The following NUFIP2 variants were observed in gnomAD, a reference collection of about 807,000 sequenced individuals.
NUFIP2 encodes nuclear FMR1 interacting protein 2.
NUFIP2 carries 6 observed loss-of-function variants against 56.9 expected under a neutral mutation model. That is an observed-to-expected ratio of 0.11 (90% CI 0.06 to 0.21). NUFIP2 has a LOEUF of 0.21. NUFIP2 is among the 10% of genes least tolerant of loss of function. The pLI is 1.00. For missense variants in NUFIP2, 828 were observed against 826.8 expected, an observed-to-expected ratio of 1.00 and a Z score of -0.02; for synonymous variants, 321 against 298.2, an observed-to-expected ratio of 1.08 and a Z score of -0.79.
intron 1 of NUFIP2, among the ~76,000 whole-genome samples, chr17:29,291,035 C>CAA (rs60000691): frequency 0.026 from 1,872 of 72,382 alleles, 29 homozygotes; most frequent in African/African-American, 0.069. Flanking sequence ...GTTTTAATAA[C>CAA]AAAAAAAAAA....
intron 2 of NUFIP2, among the ~76,000 whole-genome samples, chr17:29,270,926 C>T (rs2069068331): frequency 6.6e-6 from 1 of 152,180 alleles, no homozygotes; most frequent in African/African-American, 2.4e-5. Context: ...TATCCCTGCA[C>T]TTTCCCCTTT....
At chr17:29,293,757 T>TACCCC in intron 1 of NUFIP2, 26 bp downstream of exon 1, 1 of 1,040,992 alleles carries the variant, frequency 9.6e-7, no homozygotes, top group Non-Finnish European at 1.4e-6. Flanking sequence ...CCAACCCCCT[T>TACCCC]CCCCCACCCG....
rs2068984933 is a variant in NUFIP2 at position 29,258,723 on chromosome 17, A to G, written c.*5816T>C. 6.6e-6 allele frequency: 1 copy of G among 152,222 alleles called. No individual in the cohort carries two copies. The highest frequency in any genetic ancestry group is 6.5e-5 in the Admixed American group (1 of 15,278). 9.4% of individuals were successfully genotyped at this position (152,222 alleles called of 1,614,324 possible). Reference sequence around the variant, plus strand: ...TACTTGTATTGATTCCCTCCCAAAAAGAATTTTATAATTCATTCACTCTTG... The same window carrying G: ...TACTTGTATTGATTCCCTCCCAAAAGGAATTTTATAATTCATTCACTCTTG... On this transcript the variant is annotated 3_prime_UTR_variant, in exon 4 of 4. Coordinates refer to ENST00000225388, the MANE Select transcript of NUFIP2 (RefSeq NM_020772.3).
At chr17:29,265,619 A>T (rs1235951250) in intron 3 of NUFIP2, among the ~76,000 whole-genome samples, 1 of 145,818 alleles carries the variant, frequency 6.9e-6, no homozygotes, top group Non-Finnish European at 1.5e-5. Context: ...TGTTTTTATT[A>T]TATATTATTT....
intron 1 of NUFIP2, among the ~76,000 whole-genome samples, chr17:29,288,657 A>G (rs765522585): frequency 4.3e-4 from 66 of 152,248 alleles, no homozygotes; most frequent in Non-Finnish European, 4.3e-4. Flanking sequence ...ACATTTAGAT[A>G]AAAAGACTTT....
chr17:29,280,349 G>A (rs2069132567), intron 2 of NUFIP2, among the ~76,000 whole-genome samples: 2 of 152,192 alleles, frequency 1.3e-5, no homozygotes, highest in South Asian at 4.1e-4. Context: ...AGCTTTTAAA[G>A]TCAAGTCAAA....
In NUFIP2 at chr17:29,258,561, G is replaced by A. The variant is rs1567673162; in HGVS notation, c.*5978C>T. The A allele has an allele frequency of 6.6e-6, 1 of 152,074 alleles. No homozygotes were observed. Among genetic ancestry groups the A allele is most frequent in the East Asian group, 1.9e-4 (1 of 5,194 alleles). 9.4% of individuals were successfully genotyped at this position (152,074 alleles called of 1,614,324 possible). A position where few individuals can be genotyped will look rare whatever the true frequency, so the allele number is the denominator to read the frequency against. On this transcript the variant is annotated 3_prime_UTR_variant, in exon 4 of 4. Transcript: ENST00000225388. ...TTCCTCTTTCTGAGGCAGAGAGAGG[G>A]AATAATAGAAACAAAGCTAAGATTT...
At chr17:29,282,856 G>A (rs2069148914) in intron 2 of NUFIP2, among the ~76,000 whole-genome samples, 1 of 148,762 alleles carries the variant, frequency 6.7e-6, no homozygotes, top group Non-Finnish European at 1.5e-5. Context: ...ACTTCTTTTA[G>A]AGTTAACTTT....
intron 1 of NUFIP2, among the ~76,000 whole-genome samples, 185 bp downstream of exon 1, chr17:29,293,598 G>A (rs954775645): frequency 6.6e-6 from 1 of 152,082 alleles, no homozygotes; most frequent in Non-Finnish European, 1.5e-5. Flanking sequence ...CTGGAGGGAA[G>A]GAGAGGGCGC....
chr17:29,287,365 T>TCATTATCTG lies in NUFIP2; in HGVS notation c.620_628dup (p.Ala207_Asn209dup). ...ATATCCGCTCTCAGATCCACTACCA[T>TCATTATCTG]CATTATCTGCTCCTTTACCCATATA... On this transcript the variant is annotated inframe_insertion, in exon 2 of 4. Coordinates refer to ENST00000225388, the MANE Select transcript of NUFIP2 (RefSeq NM_020772.3). 1.2e-6 allele frequency: 2 copies of TCATTATCTG among 1,614,150 alleles called. No homozygotes were observed. The highest frequency in any genetic ancestry group is 1.7e-6 in the Non-Finnish European group (2 of 1,180,022).
rs1455936025 is a variant in NUFIP2, at chr17:29,260,646, T to C, written c.*3893A>G. On this transcript the variant is annotated 3_prime_UTR_variant, in exon 4 of 4. Coordinates refer to ENST00000225388, the MANE Select transcript of NUFIP2 (RefSeq NM_020772.3). ...CTCTGATGTGGGGAAGCAACAAGCC[T>C]AACAACCAAGTATGATATTATCACT... The C allele has an allele frequency of 6.6e-6, 1 of 152,194 alleles. No homozygotes were observed. Among genetic ancestry groups the C allele is most frequent in the Non-Finnish European group, 1.5e-5 (1 of 68,020 alleles). The allele number at this position is 152,194 out of a possible 1,614,324, so 9.4% of individuals were successfully genotyped here.
chr17:29,265,549 G>C (rs1430629065), intron 3 of NUFIP2, among the ~76,000 whole-genome samples: 1 of 148,024 alleles, frequency 6.8e-6, no homozygotes, highest in Non-Finnish European at 1.5e-5. Context: ...TGATCCGCCC[G>C]CCTCGGCCTC....
At chr17:29,278,269 CAG>C (rs961706876) in intron 2 of NUFIP2, among the ~76,000 whole-genome samples, 2 of 150,982 alleles carry the variant, frequency 1.3e-5, no homozygotes, top group African/African-American at 2.4e-5. Context: ...TTTTTTGAGA[CAG>C]AGTCTCGCTC....
chr17:29,275,139 C>A (rs67533400), intron 2 of NUFIP2, among the ~76,000 whole-genome samples: 19,477 of 151,798 alleles, frequency 0.13, 1,417 homozygotes, highest in East Asian at 0.3. Context: ...CTGCCTCAGC[C>A]CCCCCCAAGC....
At chr17:29,278,782 T>G (rs1366799684) in intron 2 of NUFIP2, among the ~76,000 whole-genome samples, 1 of 152,154 alleles carries the variant, frequency 6.6e-6, no homozygotes, top group Non-Finnish European at 1.5e-5. Flanking sequence ...AAAAATTCCT[T>G]ACAAGTGATC....
In NUFIP2 at chr17:29,259,750, T is replaced by G. The variant is rs948365329; in HGVS notation, c.*4789A>C. The G allele has an allele frequency of 6.6e-6, 1 of 152,232 alleles. No individual in the cohort carries two copies. Among genetic ancestry groups the G allele is most frequent in the Non-Finnish European group, 1.5e-5 (1 of 68,050 alleles). 9.4% of individuals were successfully genotyped at this position (152,232 alleles called of 1,614,324 possible). A position where few individuals can be genotyped will look rare whatever the true frequency, so the allele number is the denominator to read the frequency against. On this transcript the variant is annotated 3_prime_UTR_variant, in exon 4 of 4. Transcript: ENST00000225388. The stretch of plus-strand genomic sequence containing the variant: ...ATAACTGATTTACCATTCCCAATAA[T>G]GCAAGAGCAACATACCAATCATGCT...
intron 1 of NUFIP2, among the ~76,000 whole-genome samples, chr17:29,288,305 G>A (rs575586334): frequency 1.2e-4 from 19 of 152,322 alleles, no homozygotes; most frequent in African/African-American, 2.4e-4. Context: ...TCGGCCTCCC[G>A]AAGTGCTAGG....
In NUFIP2 at chr17:29,293,818, A is replaced by G. The variant is rs917630170; in HGVS notation, c.242T>C (p.Leu81Pro). Residue 81 changes from leucine to proline, a missense_variant, in exon 1 of 4, where the codon CTC (leucine) becomes CCC (proline). Physicochemically the swap from Leu to Pro is moderately conservative, Grantham distance 98 (BLOSUM62 -3). This residue lies in a region of NUFIP2 where 415 missense variants were observed against 408.7 expected (regional missense o/e 1.02). Transcript: ENST00000225388. ...KPLKHEQKHTLQQHQETPKKK... is the reference protein window; with the variant it reads ...KPLKHEQKHTPQQHQETPKKK... ...CTTCGGCGTTTCCTGGTGCTGCTGG[A>G]GGGTGTGTTTCTGCTCATGTTTCAG... 1 of 1,392,210 alleles carries G rather than the reference A, an allele frequency of 7.2e-7. No homozygotes were observed. Among genetic ancestry groups the G allele is most frequent in the Non-Finnish European group, 9.6e-7 (1 of 1,042,496 alleles). 86.2% of individuals were successfully genotyped at this position (1,392,210 alleles called of 1,614,324 possible). A position where few individuals can be genotyped will look rare whatever the true frequency, so the allele number is the denominator to read the frequency against.
intron 2 of NUFIP2, 42 bp downstream of exon 2, chr17:29,285,950 A>C: frequency 7.0e-7 from 1 of 1,431,050 alleles, no homozygotes; most frequent in Non-Finnish European, 9.6e-7. Context: ...AATATACTAA[A>C]TTGGCCAATA....
Sources: allele counts gnomAD v4.1 joint callset (sites outside exome capture counted in the v4.1 genomes callset), GRCh38; gene constraint gnomAD v4.1.1; regional missense constraint gnomAD v4.1.1; transcripts MANE v1.5; gene names NCBI Gene and HGNC (gene_info 2026-07-23, HGNC 2026-07-21).